STYX: variants seen among roughly 807,000 people sequenced by gnomAD.
The protein encoded by STYX is serine/threonine/tyrosine-interacting protein.
Under a neutral mutation model 42.7 loss-of-function variants are expected in STYX, and 20 were observed. The observed-to-expected ratio is 0.47, with a 90% CI of 0.33 to 0.68. The LOEUF is 0.68. STYX is among the 30% of genes least tolerant of loss of function. The pLI, the probability that STYX is intolerant of heterozygous loss-of-function variation, is 0.02. For synonymous variants in STYX, 78 were observed against 81.9 expected (o/e 0.95, Z 0.26); for missense variants, 226 against 268.5 (o/e 0.84, Z 1.11).
intron 4 of STYX, among the ~76,000 whole-genome samples, chr14:52,751,348 T>C (rs1881603209): frequency 6.6e-6 from 1 of 152,206 alleles, no homozygotes. Flanking sequence ...GATATTTAGA[T>C]TGTTTCTGGC....
At chr14:52,755,121 G>GTTTTTTTTTTTTTT (rs537098365) in intron 4 of STYX, among the ~76,000 whole-genome samples, 2 of 139,304 alleles carry the variant, frequency 1.4e-5, no homozygotes, top group Admixed American at 7.2e-5. Context: ...TTGTTTTTTT[G>GTTTTTTTTTTTTTT]TTTTTTTTTT....
chr14:52,763,781 TTC>T (rs1320589673), intron 9 of STYX, among the ~76,000 whole-genome samples: 1 of 152,222 alleles, frequency 6.6e-6, no homozygotes, highest in East Asian at 1.9e-4. Flanking sequence ...AGAAGATGCA[TTC>T]TGTTTTCAGG....
intron 1 of STYX, among the ~76,000 whole-genome samples, chr14:52,741,231 T>TATA (rs376474199): frequency 6.9e-5 from 8 of 116,738 alleles, no homozygotes; most frequent in African/African-American, 1.2e-4. Flanking sequence ...TATATATATA[T>TATA]TTTTTTTTTG....
At chr14:52,731,969 C>T (rs1437239145) in intron 1 of STYX, among the ~76,000 whole-genome samples, 7 of 141,042 alleles carry the variant, frequency 5.0e-5, no homozygotes, top group East Asian at 2.1e-4. Flanking sequence ...TTTTTTGTAG[C>T]GATGGGTTTT....
chr14:52,757,250 G>T, intron 5 of STYX, 69 bp from the exon 6 acceptor site: 1 of 1,232,468 alleles, frequency 8.1e-7, no homozygotes, highest in South Asian at 1.5e-5. Flanking sequence ...GTTTTCAATA[G>T]GTTTCATTTT....
chr14:52,749,073 T>C (rs1881505229), intron 3 of STYX, among the ~76,000 whole-genome samples: 1 of 152,166 alleles, frequency 6.6e-6, no homozygotes, highest in Non-Finnish European at 1.5e-5. Context: ...CAACAGACGA[T>C]TATTTGAGTT....
Position 52,754,253 on chromosome 14 carries a change from C to T in STYX, c.243-2298C>T, listed in dbSNP as rs115679147. Among the ~76,000 whole-genome samples, 715 of 151,806 alleles carry T rather than the reference C, an allele frequency of 4.7e-3. 7 individuals are homozygous for T. The highest frequency in any genetic ancestry group is 0.016 in the African/African-American group (680 of 41,386). On this transcript the variant is annotated intron_variant, in intron 4 of 10. Transcript: ENST00000354586. Reference sequence around the variant, plus strand: ...TCAAAGATAGGATCTTTCTCTGCTGCCCAGCCTGGATTGCATTGGCATGAT... The same window carrying T: ...TCAAAGATAGGATCTTTCTCTGCTGTCCAGCCTGGATTGCATTGGCATGAT...
intron 2 of STYX, among the ~76,000 whole-genome samples, chr14:52,745,525 T>C (rs1881362371): frequency 6.6e-6 from 1 of 152,216 alleles, no homozygotes; most frequent in Admixed American, 6.5e-5. Context: ...TTTGTCTAGA[T>C]AAGTTAGGGA....
chr14:52,743,494 T>C (rs1881276720), intron 1 of STYX, among the ~76,000 whole-genome samples: 2 of 151,932 alleles, frequency 1.3e-5, no homozygotes, highest in Non-Finnish European at 2.9e-5. Flanking sequence ...GGCAGGAGAA[T>C]GGTGTGAACC....
rs1421959250 is a variant in STYX at position 52,757,338 on chromosome 14, G to A, written c.323G>A (p.Gly108Glu). 6.2e-7 allele frequency: 1 copy of A among 1,605,818 alleles called. No individual in the cohort carries two copies. Among genetic ancestry groups the A allele is most frequent in the African/African-American group, 1.3e-5 (1 of 74,820 alleles). ...FFPMTKEFID[G>E]SLQMGGKVLV... The stretch of plus-strand genomic sequence containing the variant: ...CTCCAGACTAAGGAATTTATTGATG[G>A]GAGCTTACAAATGGGAGGTAAATAA... The change falls in exon 6 of 11, where the codon GGG becomes GAG. Residue 108 changes from glycine to glutamate, a missense_variant. Transcript: ENST00000354586.
intron 1 of STYX, among the ~76,000 whole-genome samples, chr14:52,738,865 A>G (rs1266168652): frequency 2.0e-5 from 3 of 152,046 alleles, no homozygotes; most frequent in Non-Finnish European, 4.4e-5. Flanking sequence ...AGTATCATCT[A>G]TTATTATTCT....
chr14:52,774,743 A>T lies in STYX; in HGVS notation c.*3637A>T, dbSNP rs1882652852. 6.6e-6 allele frequency: 1 copy of T among 152,152 alleles called. No individual in the cohort carries two copies. Among genetic ancestry groups the T allele is most frequent in the Non-Finnish European group, 1.5e-5 (1 of 68,024 alleles). The allele number at this position is 152,152 out of a possible 1,614,324, so 9.4% of individuals were successfully genotyped here. ...TATAGATCAGTAACATTATACTGAC[A>T]TGTAATTGCAATTTACTATGCAGCA... On this transcript the variant is annotated 3_prime_UTR_variant, in exon 11 of 11. Transcript: ENST00000354586.
intron 9 of STYX, among the ~76,000 whole-genome samples, chr14:52,761,977 G>A (rs1033660579): frequency 9.9e-5 from 15 of 151,796 alleles, no homozygotes; most frequent in East Asian, 9.9e-4. Context: ...CTCGGGAGGC[G>A]GAGGTTGCAG....
chr14:52,730,733 T>A (rs193277750), intron 1 of STYX, among the ~76,000 whole-genome samples: 128 of 152,304 alleles, frequency 8.4e-4, no homozygotes, highest in African/African-American at 3.0e-3. Context: ...AGGGGCAGCG[T>A]CTGGTGTACT....
chr14:52,765,690 G>C (rs1882276916), intron 9 of STYX, among the ~76,000 whole-genome samples: 1 of 152,152 alleles, frequency 6.6e-6, no homozygotes, highest in Non-Finnish European at 1.5e-5. Flanking sequence ...GGGGGAGATG[G>C]TTTCAGGACA....
chr14:52,761,767 G>A (rs899606827), intron 9 of STYX, among the ~76,000 whole-genome samples: 1 of 151,178 alleles, frequency 6.6e-6, no homozygotes, highest in Admixed American at 6.6e-5. Flanking sequence ...TGGGATGGCC[G>A]GGTGTGGTGG....
rs1167206766 is a variant in STYX, at chr14:52,772,806, C to G, written c.*1700C>G. ...TGATATTTCTCTTCTGATTTCCCTC[C>G]CCTTCCCTTCTCTTATCTTACCACT... On this transcript the variant is annotated 3_prime_UTR_variant, in exon 11 of 11. Coordinates refer to ENST00000354586, the MANE Select transcript of STYX (RefSeq NM_145251.4). The G allele has an allele frequency of 6.6e-6, 1 of 151,658 alleles. No individual in the cohort carries two copies. Among genetic ancestry groups the G allele is most frequent in the African/African-American group, 2.4e-5 (1 of 41,206 alleles). 9.4% of individuals were successfully genotyped at this position (151,658 alleles called of 1,614,324 possible).
rs1043702835 is a variant in STYX at position 52,773,072 on chromosome 14, A to G, written c.*1966A>G. 1 of 152,176 alleles carries G rather than the reference A, an allele frequency of 6.6e-6. No individual in the cohort carries two copies. The highest frequency in any genetic ancestry group is 1.5e-5 in the Non-Finnish European group (1 of 68,040). 9.4% of individuals were successfully genotyped at this position (152,176 alleles called of 1,614,324 possible). ...TTCATTTAGCAGAAACTCTGCTTAAAAGAATCTTCATAATAGTAAGTTTAG... is the reference window on the plus strand; with the variant it reads ...TTCATTTAGCAGAAACTCTGCTTAAGAGAATCTTCATAATAGTAAGTTTAG... On this transcript the variant is annotated 3_prime_UTR_variant, in exon 11 of 11. Transcript: ENST00000354586.
chr14:52,757,028 A>G (rs981922226), intron 5 of STYX, among the ~76,000 whole-genome samples: 1 of 152,126 alleles, frequency 6.6e-6, no homozygotes, highest in Non-Finnish European at 1.5e-5. Flanking sequence ...TTACTTTGCT[A>G]TGACTGAAAA....
Sources: gnomAD v4.1 joint callset for allele counts (sites outside exome capture counted in the v4.1 genomes callset) on GRCh38, gnomAD v4.1.1 for gene constraint, MANE v1.5 for transcripts, NCBI Gene and HGNC (gene_info 2026-07-23, HGNC 2026-07-21) for gene names.